Variants in KCNT2 observed in about 807,000 individuals in gnomAD.
The protein encoded by KCNT2 is potassium sodium-activated channel subfamily T member 2, also known as potassium channel subfamily T member 2.
Under a neutral mutation model 153.8 loss-of-function variants are expected in KCNT2, and 67 were observed. That is an observed-to-expected ratio of 0.44 (90% confidence interval 0.36 to 0.53). The LOEUF (loss-of-function observed/expected upper bound fraction) is 0.53. Ranked by LOEUF, KCNT2 falls within the 20% of genes least tolerant of loss-of-function variation. The probability of loss-of-function intolerance (pLI) is 0.00; values close to 1 mark genes in which losing one functional copy is unlikely to be tolerated. For missense variants in KCNT2, 975 were observed against 1,354.8 expected, an observed-to-expected ratio of 0.72 and a Z score of 4.40; for synonymous variants, 500 against 458.8, an observed-to-expected ratio of 1.09 and a Z score of -1.15.
intron 1 of KCNT2, among the ~76,000 whole-genome samples, chr1:196,511,700 T>C (rs1249445507): frequency 1.3e-5 from 2 of 152,190 alleles, no homozygotes; most frequent in Non-Finnish European, 2.9e-5. Flanking sequence ...TTACTCACTG[T>C]GTCCTCATAT....
intron 24 of KCNT2, among the ~76,000 whole-genome samples, chr1:196,281,404 G>A (rs1240427646): frequency 1.3e-5 from 2 of 152,168 alleles, no homozygotes; most frequent in Non-Finnish European, 2.9e-5. Context: ...TGCAATAACT[G>A]GAGGCTGACA....
rs1553288400 is a variant in KCNT2 at position 196,334,487 on chromosome 1, C to CTTTCTTTTTTT, written c.1784-428_1784-427insAAAAAAAGAAA. ...TTTTCTTTTATTTCTTTCTTTCTTTCTTTTTTTTTTTTAAGACAGAGTCTC... is the reference window on the plus strand; with the variant it reads ...TTTTCTTTTATTTCTTTCTTTCTTTCTTTCTTTTTTTTTTTTTTTTTTTAAGACAGAGTCTC... On this transcript the variant is annotated intron_variant, in intron 16 of 27. Transcript: ENST00000294725. Among the ~76,000 whole-genome samples the CTTTCTTTTTTT allele has an allele frequency of 2.5e-4, 22 of 87,292 alleles. 2 individuals carry two copies. Among genetic ancestry groups the CTTTCTTTTTTT allele is most frequent in the African/African-American group, 9.6e-4 (22 of 22,946 alleles). The allele number at this position is 87,292 out of a possible 152,430, so 57.3% of individuals were successfully genotyped here. A position where few individuals can be genotyped will look rare whatever the true frequency, so the allele number is the denominator to read the frequency against.
chr1:196,319,599 AGTG>A, intron 19 of KCNT2, 44 bp from the exon 20 acceptor site: 1 of 1,293,598 alleles, frequency 7.7e-7, no homozygotes, highest in Non-Finnish European at 1.1e-6. Context: ...ATGTCACAAC[AGTG>A]GCAGCACTTC....
intron 1 of KCNT2, among the ~76,000 whole-genome samples, chr1:196,499,211 G>T (rs1046089946): frequency 6.6e-6 from 1 of 152,136 alleles, no homozygotes; most frequent in Non-Finnish European, 1.5e-5. Flanking sequence ...GCAAGGCCCT[G>T]CCTACACCCT....
chr1:196,474,406 G>A (rs770299776), intron 5 of KCNT2, among the ~76,000 whole-genome samples: 1 of 152,064 alleles, frequency 6.6e-6, no homozygotes, highest in African/African-American at 2.4e-5. Flanking sequence ...GTGTCGTAAC[G>A]CTATGGCAGT....
chr1:196,287,074 G>C (rs1659737122), intron 22 of KCNT2, among the ~76,000 whole-genome samples: 1 of 152,090 alleles, frequency 6.6e-6, no homozygotes, highest in South Asian at 2.1e-4. Flanking sequence ...GTCTAGTTGA[G>C]ATGACTATCA....
intron 8 of KCNT2, among the ~76,000 whole-genome samples, chr1:196,439,659 C>G (rs1168432901): frequency 6.6e-6 from 1 of 151,928 alleles, no homozygotes; most frequent in Admixed American, 6.6e-5. Flanking sequence ...TTTGGGCATG[C>G]TGAATTTAAC....
At chr1:196,486,421 C>G (rs1679425765) in intron 3 of KCNT2, among the ~76,000 whole-genome samples, 1 of 151,878 alleles carries the variant, frequency 6.6e-6, no homozygotes, top group East Asian at 1.9e-4. Context: ...ATTGTGAAAA[C>G]TAAAGGAACC....
intron 1 of KCNT2, among the ~76,000 whole-genome samples, chr1:196,508,012 G>A (rs897353851): frequency 4.0e-5 from 6 of 151,470 alleles, no homozygotes; most frequent in African/African-American, 1.5e-4. Flanking sequence ...CAGTAATTAA[G>A]GCATTATGGA....
At chr1:196,584,172 A>AAATAAAATAAAATAAAATAC (rs1447694075) in intron 1 of KCNT2, among the ~76,000 whole-genome samples, 67 of 150,230 alleles carry the variant, frequency 4.5e-4, no homozygotes, top group Admixed American at 1.9e-3. Flanking sequence ...AATTAAGATA[A>AAATAAAATAAAATAAAATAC]AATAAAATAA....
chr1:196,314,862 T>A (rs1662552696), intron 21 of KCNT2, among the ~76,000 whole-genome samples: 1 of 151,730 alleles, frequency 6.6e-6, no homozygotes, highest in South Asian at 2.1e-4. Flanking sequence ...TAATATTTAT[T>A]AAGTAATTAA....
intron 13 of KCNT2, among the ~76,000 whole-genome samples, chr1:196,387,255 T>C (rs1670073764): frequency 6.6e-6 from 1 of 152,032 alleles, no homozygotes; most frequent in Non-Finnish European, 1.5e-5. Context: ...CCTACTATCC[T>C]CTATCTTGGT....
In KCNT2 at chr1:196,258,463, T is replaced by C. The variant is rs1308000243; in HGVS notation, c.2942A>G (p.Glu981Gly). Reference protein sequence around the residue: ...SQISISVEEWEDTKDSKEQGH... With the variant: ...SQISISVEEWGDTKDSKEQGH... Reference sequence around the variant, plus strand: ...TTGTTCTTTGGAGTCTTTGGTGTCTTCCCACTCTTCTACACTGATAGATAT... The same window carrying C: ...TTGTTCTTTGGAGTCTTTGGTGTCTCCCCACTCTTCTACACTGATAGATAT... Residue 981 changes from glutamate (E) to glycine (G), a missense_variant, in exon 26 of 28, where the codon GAA becomes GGA. By Grantham distance (98) the Glu-to-Gly change is moderately conservative (BLOSUM62 -2). This residue lies in a region of KCNT2 where 241 missense variants were observed against 271.1 expected (regional missense o/e 0.89). Coordinates refer to ENST00000294725, the MANE Select transcript of KCNT2 (RefSeq NM_198503.5). 1.2e-5 allele frequency: 19 copies of C among 1,610,526 alleles called. No homozygotes were observed. Among genetic ancestry groups the C allele is most frequent in the Non-Finnish European group, 1.6e-5 (19 of 1,177,482 alleles).
intron 25 of KCNT2, among the ~76,000 whole-genome samples, chr1:196,268,303 A>T (rs542117312): frequency 1.5e-4 from 23 of 152,290 alleles, no homozygotes; most frequent in African/African-American, 5.3e-4. Flanking sequence ...TTACACATAC[A>T]TATACACCTA....
Position 196,326,865 on chromosome 1 carries a change from C to A in KCNT2, c.2128G>T (p.Asp710Tyr). Residue 710 changes from aspartate to tyrosine, a missense_variant, in exon 19 of 28, where the codon GAT (aspartate) becomes TAT (tyrosine). Coordinates refer to ENST00000294725, the MANE Select transcript of KCNT2 (RefSeq NM_198503.5). The stretch of plus-strand genomic sequence containing the variant: ...TTTTTGAATCCATAGGCTTTTGCAT[C>A]CTCATAGTAGTTATGTTGGCAACTC... Reference protein sequence around the residue: ...DKSCQHNYYEDAKAYGFKNKL... With the variant: ...DKSCQHNYYEYAKAYGFKNKL... 1 of 1,581,058 alleles carries A rather than the reference C, an allele frequency of 6.3e-7. No individual in the cohort carries two copies. The highest frequency in any genetic ancestry group is 8.6e-7 in the Non-Finnish European group (1 of 1,169,032).
Position 196,234,333 on chromosome 1 carries a change from G to A in KCNT2, c.3296+1653C>T, listed in dbSNP as rs117437523. On this transcript the variant is annotated intron_variant, in intron 27 of 27. Transcript: ENST00000294725. ...TTGTCTCCCCATTCTGACTTGTTTT[G>A]ATGAAACAACATTTTTTTTTTATTT... Among the ~76,000 whole-genome samples, 175 of 150,244 alleles carry A rather than the reference G, an allele frequency of 1.2e-3. 1 individual carries two copies. In the East Asian group the frequency reaches 0.031, roughly 27 times the overall value.
chr1:196,481,435 T>G (rs1160665226), intron 4 of KCNT2, among the ~76,000 whole-genome samples: 1 of 152,186 alleles, frequency 6.6e-6, no homozygotes, highest in Non-Finnish European at 1.5e-5. Context: ...GTAATAACAT[T>G]GCACTTGTAC....
At chr1:196,236,134 G>T in intron 26 of KCNT2, 64 bp from the exon 27 acceptor site, 2 of 872,710 alleles carry the variant, frequency 2.3e-6, no homozygotes, top group Non-Finnish European at 3.9e-6. Context: ...AATTACTAGT[G>T]AACAGCTTAT....
intron 21 of KCNT2, among the ~76,000 whole-genome samples, chr1:196,312,783 T>C (rs1417131784): frequency 6.6e-6 from 1 of 151,752 alleles, no homozygotes; most frequent in Non-Finnish European, 1.5e-5. Flanking sequence ...AAGATACTAT[T>C]CCCGCATGCA....
Sources: allele counts gnomAD v4.1 joint callset (sites outside exome capture counted in the v4.1 genomes callset), GRCh38; gene constraint gnomAD v4.1.1; regional missense constraint gnomAD v4.1.1; transcripts MANE v1.5; gene names NCBI Gene and HGNC (gene_info 2026-07-23, HGNC 2026-07-21).